NEK1: variants seen among roughly 807,000 people sequenced by gnomAD.
NEK1 encodes the protein serine/threonine-protein kinase Nek1.
A neutral mutation model predicts 182.1 loss-of-function variants in NEK1; 137 were observed. That is an observed-to-expected ratio of 0.75 (90% CI 0.65 to 0.87). The LOEUF (loss-of-function observed/expected upper bound fraction) is 0.87, where lower values mean the gene tolerates loss of function less well. Ranked by LOEUF, NEK1 falls within the 40% of genes least tolerant of loss-of-function variation. The probability of loss-of-function intolerance (pLI) is 0.00; values close to 1 mark genes in which losing one functional copy is unlikely to be tolerated. For missense variants in NEK1, 1,391 were observed against 1,494.4 expected (o/e 0.93, Z 1.14); for synonymous variants, 513 against 492.2 (o/e 1.04, Z -0.56).
Position 169,507,183 on chromosome 4 carries a change from G to GTTTTTTTTTTTTTTTTTTTTTTTTTTTTT in NEK1, c.1912-52_1912-51insAAAAAAAAAAAAAAAAAAAAAAAAAAAAA, listed in dbSNP as rs372604613. ...TGAGTTACCAGAAAGAAGGGCAGAGGTTTTTTTTTTTTTTTTTGGGCCAGG... is the reference window on the plus strand; with the variant it reads ...TGAGTTACCAGAAAGAAGGGCAGAGGTTTTTTTTTTTTTTTTTTTTTTTTTTTTTTTTTTTTTTTTTTTTTTGGGCCAGG... On this transcript the variant is annotated intron_variant, in intron 22 of 35. Transcript: ENST00000507142. 2 of 559,112 alleles carry GTTTTTTTTTTTTTTTTTTTTTTTTTTTTT rather than the reference G, an allele frequency of 3.6e-6. 1 individual carries two copies. Among genetic ancestry groups the GTTTTTTTTTTTTTTTTTTTTTTTTTTTTT allele is most frequent in the African/African-American group, 5.5e-5 (2 of 36,154 alleles). 34.6% of individuals were successfully genotyped at this position (559,112 alleles called of 1,614,324 possible).
intron 27 of NEK1, among the ~76,000 whole-genome samples, chr4:169,459,687 A>C (rs1743583780): frequency 6.6e-6 from 1 of 152,206 alleles, no homozygotes; most frequent in Non-Finnish European, 1.5e-5. Context: ...ATACAATGTA[A>C]TATTCTGCGC....
intron 16 of NEK1, among the ~76,000 whole-genome samples, chr4:169,556,942 AAAGTATT>A (rs778254174): frequency 1.8e-4 from 27 of 152,178 alleles, no homozygotes; most frequent in African/African-American, 4.1e-4. Context: ...CAAGGAAGGC[AAAGTATT>A]AAGTATTAAG....
intron 18 of NEK1, among the ~76,000 whole-genome samples, chr4:169,541,861 A>G (rs1044293328): frequency 1.3e-5 from 2 of 152,160 alleles, no homozygotes; most frequent in Non-Finnish European, 2.9e-5. Context: ...GATGTTCATT[A>G]AACCCCACGA....
chr4:169,570,961 A>G (rs1236306852), intron 12 of NEK1, among the ~76,000 whole-genome samples: 1 of 151,978 alleles, frequency 6.6e-6, no homozygotes, highest in Non-Finnish European at 1.5e-5. Context: ...GTGCTTTGTT[A>G]AACAGATGCT....
intron 8 of NEK1, among the ~76,000 whole-genome samples, chr4:169,587,995 G>C (rs1336262827): frequency 6.6e-6 from 1 of 151,974 alleles, no homozygotes; most frequent in African/African-American, 2.4e-5. Flanking sequence ...TAAGAAATTT[G>C]CAACAGCTAC....
At chr4:169,561,422 A>G in intron 16 of NEK1, 58 bp downstream of exon 16, 1 of 1,432,556 alleles carries the variant, frequency 7.0e-7, no homozygotes, top group South Asian at 1.2e-5. Context: ...ATTTTATAGA[A>G]CAAGGTGGAA....
intron 19 of NEK1, among the ~76,000 whole-genome samples, chr4:169,509,788 GA>G (rs1753890435): frequency 6.6e-6 from 1 of 151,956 alleles, no homozygotes; most frequent in Admixed American, 6.6e-5. Context: ...AAGAAAATGT[GA>G]ATCATTTATA....
Position 169,523,228 on chromosome 4 carries a change from G to C in NEK1, c.1666-14376C>G, listed in dbSNP as rs116242645. Among the ~76,000 whole-genome samples, 717 of 152,288 alleles carry C rather than the reference G, an allele frequency of 4.7e-3. 3 individuals carry two copies. Among genetic ancestry groups the C allele is most frequent in the African/African-American group, 0.016 (662 of 41,546 alleles). On this transcript the variant is annotated intron_variant, in intron 19 of 35. Transcript: ENST00000507142. ...CACAGTTACACAGGATTGTTGGAAA[G>C]ACTAAGAGATTGCTATGTTGAACTG...
At chr4:169,479,632 CAAG>C in intron 23 of NEK1, 98 bp from the exon 24 acceptor site, 1 of 997,292 alleles carries the variant, frequency 1.0e-6, no homozygotes, top group Non-Finnish European at 1.5e-6. Flanking sequence ...ACTCTATCCA[CAAG>C]TAGTTTTTTT....
intron 18 of NEK1, among the ~76,000 whole-genome samples, chr4:169,549,935 T>C (rs1458225312): frequency 6.6e-6 from 1 of 152,172 alleles, no homozygotes; most frequent in Non-Finnish European, 1.5e-5. Context: ...GTTGGCAGGC[T>C]GGTCTTGAGC....
At chr4:169,420,751 T>G (rs1735355333) in intron 31 of NEK1, among the ~76,000 whole-genome samples, 1 of 151,888 alleles carries the variant, frequency 6.6e-6, no homozygotes, top group Non-Finnish European at 1.5e-5. Context: ...AGAGATAAAA[T>G]AAGGTGCTAA....
At chr4:169,598,537 G>C (rs1413669708) in intron 5 of NEK1, among the ~76,000 whole-genome samples, 1 of 152,114 alleles carries the variant, frequency 6.6e-6, no homozygotes, top group Non-Finnish European at 1.5e-5. Context: ...TACACAGGAA[G>C]GAGAATGAGA....
chr4:169,498,308 G>A (rs1313299646), intron 23 of NEK1, among the ~76,000 whole-genome samples: 3 of 152,178 alleles, frequency 2.0e-5, no homozygotes, highest in African/African-American at 7.2e-5. Flanking sequence ...CTCTGCACAT[G>A]AGATGGGTTT....
intron 2 of NEK1, among the ~76,000 whole-genome samples, chr4:169,605,829 G>T (rs17055039): frequency 6.6e-6 from 1 of 151,968 alleles, no homozygotes; most frequent in African/African-American, 2.4e-5. Flanking sequence ...ATAATACATA[G>T]CTGATCCTGA....
At chr4:169,491,163 A>AAGAGG (rs1750016297) in intron 23 of NEK1, among the ~76,000 whole-genome samples, 2 of 109,278 alleles carry the variant, frequency 1.8e-5, no homozygotes, top group African/African-American at 4.6e-5. Flanking sequence ...AAAAAAAAAA[A>AAGAGG]GAGAGATGGA....
At position 169,398,869 on chromosome 4, in the gene NEK1, T is replaced by C. The variant is rs76625708; in HGVS notation, c.3847+1356A>G. Among the ~76,000 whole-genome samples, 7 of 152,244 alleles carry C rather than the reference T, an allele frequency of 4.6e-5. No homozygotes were observed. The East Asian group carries it at 1.3e-3, about 29-fold the overall frequency. On this transcript the variant is annotated intron_variant, in intron 35 of 35. Coordinates refer to ENST00000507142, the MANE Select transcript of NEK1 (RefSeq NM_001199397.3). Reference sequence around the variant, plus strand: ...AAACCCTCAATTTTAGTCTATGAATTTAACATTTAAAGTAATAAAATTAAT... The same window carrying C: ...AAACCCTCAATTTTAGTCTATGAATCTAACATTTAAAGTAATAAAATTAAT...
At chr4:169,581,186 A>T (rs2150053762) in intron 10 of NEK1, among the ~76,000 whole-genome samples, 1 of 151,972 alleles carries the variant, frequency 6.6e-6, no homozygotes, top group Admixed American at 6.6e-5. Context: ...TCTCTATTTT[A>T]AAAATTAAGA....
At chr4:169,526,536 T>C (rs1268223006) in intron 19 of NEK1, among the ~76,000 whole-genome samples, 2 of 152,182 alleles carry the variant, frequency 1.3e-5, no homozygotes, top group Non-Finnish European at 2.9e-5. Context: ...TAAAATTATT[T>C]TGAAATACAC....
In NEK1 at chr4:169,569,259, G is replaced by C. The variant is rs140541267; in HGVS notation, c.1021-7063C>G. Among the ~76,000 whole-genome samples, 222 of 152,162 alleles carry C rather than the reference G, an allele frequency of 1.5e-3. 1 individual carries two copies. The highest frequency in any genetic ancestry group is 4.9e-3 in the African/African-American group (205 of 41,518). On this transcript the variant is annotated intron_variant, in intron 12 of 35. Transcript: ENST00000507142. ...CTTTTCATTACCTCAACCTGAAGTA[G>C]TTTTTTTACATTAGATTTTATTTTT... is the stretch of plus-strand genomic sequence containing the variant.
Sources: allele counts gnomAD v4.1 joint callset (sites outside exome capture counted in the v4.1 genomes callset), GRCh38; gene constraint gnomAD v4.1.1; transcripts MANE v1.5; gene names NCBI Gene and HGNC (gene_info 2026-07-23, HGNC 2026-07-21).